Variants in CSMD1 observed in about 807,000 individuals in gnomAD.
The protein encoded by CSMD1 is CUB and Sushi multiple domains 1.
Under a neutral mutation model 417.5 loss-of-function variants are expected in CSMD1, and 213 were observed. That is an observed-to-expected ratio of 0.51 (90% CI 0.46 to 0.57). CSMD1 has a LOEUF of 0.57. Ranked by LOEUF, CSMD1 falls within the 20% of genes least tolerant of loss-of-function variation. The pLI is 0.00. For synonymous variants in CSMD1, 2,862 were observed against 1,736.8 expected, an observed-to-expected ratio of 1.65 and a Z score of -16.11; for missense variants, 6,923 against 4,529.7, an observed-to-expected ratio of 1.53 and a Z score of -15.17.
At chr8:3,908,321 T>G (rs1808243346) in intron 5 of CSMD1, among the ~76,000 whole-genome samples, 1 of 152,184 alleles carries the variant, frequency 6.6e-6, no homozygotes, top group African/African-American at 2.4e-5. Flanking sequence ...ATGTGAAGAT[T>G]TCAACAAAAT....
intron 1 of CSMD1, among the ~76,000 whole-genome samples, chr8:4,964,948 C>T (rs887944599): frequency 1.3e-5 from 2 of 152,150 alleles, no homozygotes; most frequent in Admixed American, 6.6e-5. Context: ...CCTTTCTTTG[C>T]ATATGTACTT....
intron 2 of CSMD1, among the ~76,000 whole-genome samples, chr8:4,496,087 A>G (rs1449545944): frequency 6.6e-6 from 1 of 152,168 alleles, no homozygotes; most frequent in Non-Finnish European, 1.5e-5. Context: ...TGCCAATCAA[A>G]TTTTGGCATA....
chr8:4,088,280 T>A (rs1800526561), intron 3 of CSMD1, among the ~76,000 whole-genome samples: 2 of 152,236 alleles, frequency 1.3e-5, no homozygotes, highest in Non-Finnish European at 2.9e-5. Context: ...ACTTCTCAAT[T>A]GCATGGCCAT....
chr8:3,148,091 G>C (rs1310967675), intron 40 of CSMD1, among the ~76,000 whole-genome samples: 4 of 152,162 alleles, frequency 2.6e-5, no homozygotes, highest in Admixed American at 2.0e-4. Flanking sequence ...ACCCTTTTCT[G>C]AGTTGTAACC....
At chr8:3,579,255 ATGCCATTT>A (rs1343421368) in intron 9 of CSMD1, among the ~76,000 whole-genome samples, 68 of 152,350 alleles carry the variant, frequency 4.5e-4, no homozygotes, top group Middle Eastern at 3.4e-3. Context: ...ATGCCAATGC[ATGCCATTT>A]TGACATTTAT....
intron 7 of CSMD1, among the ~76,000 whole-genome samples, chr8:3,622,597 G>C (rs1187780051): frequency 6.6e-6 from 1 of 152,190 alleles, no homozygotes; most frequent in African/African-American, 2.4e-5. Context: ...TTCTGTGAAG[G>C]CGCAAAATGA....
intron 7 of CSMD1, among the ~76,000 whole-genome samples, chr8:3,691,032 T>C (rs1000338861): frequency 6.6e-6 from 1 of 152,166 alleles, no homozygotes; most frequent in East Asian, 1.9e-4. Flanking sequence ...TACTAAAGTA[T>C]CTTTTTCTCT....
At chr8:4,445,102 C>CA (rs994335211) in intron 2 of CSMD1, among the ~76,000 whole-genome samples, 2 of 152,136 alleles carry the variant, frequency 1.3e-5, no homozygotes, top group South Asian at 2.1e-4. Flanking sequence ...CTCTGAACAA[C>CA]AAAAAAAGTA....
chr8:4,057,240 T>C (rs1030044926), intron 3 of CSMD1, among the ~76,000 whole-genome samples: 34 of 152,308 alleles, frequency 2.2e-4, no homozygotes, highest in African/African-American at 7.7e-4. Flanking sequence ...TGGTGTGAGA[T>C]GGTATCTCAT....
intron 1 of CSMD1, among the ~76,000 whole-genome samples, chr8:4,738,795 T>C (rs951778528): frequency 6.6e-6 from 1 of 152,120 alleles, no homozygotes; most frequent in African/African-American, 2.4e-5. Flanking sequence ...ACAAATAAGA[T>C]GGATGCCCCT....
chr8:3,118,056 T>A (rs7841865), intron 42 of CSMD1, among the ~76,000 whole-genome samples: 1 of 152,130 alleles, frequency 6.6e-6, no homozygotes, highest in Non-Finnish European at 1.5e-5. Flanking sequence ...CAATCTGATA[T>A]AACCACTGTA....
At chr8:3,179,386 G>C (rs1443012951) in intron 37 of CSMD1, among the ~76,000 whole-genome samples, 2 of 152,022 alleles carry the variant, frequency 1.3e-5, no homozygotes, top group East Asian at 3.9e-4. Flanking sequence ...ACAAAAATGT[G>C]GCATTATGTT....
rs1220718349 is a variant in CSMD1 at position 2,998,183 on chromosome 8, G to C, written c.8205C>G (p.Pro2735=). Residue 2735 remains proline (P), a splice_region_variant and synonymous_variant, in exon 54 of 70, where the codon CCC becomes CCG. Coordinates refer to ENST00000635120, the MANE Select transcript of CSMD1 (RefSeq NM_033225.6). ...GGTTTCCAGGGTGACCACATGTGAT[G>C]GCTGTAGAGAGACAGGTCAACGTCA... The part of the protein sequence containing the change: ...KWSGQTPVCV[P]ITCGHPGNPA... 1 of 1,613,614 alleles carries C rather than the reference G, an allele frequency of 6.2e-7. No homozygotes were observed. Among genetic ancestry groups the C allele is most frequent in the Non-Finnish European group, 8.5e-7 (1 of 1,179,700 alleles).
At chr8:3,730,068 G>A (rs1310913838) in intron 6 of CSMD1, among the ~76,000 whole-genome samples, 2 of 151,636 alleles carry the variant, frequency 1.3e-5, no homozygotes, top group Non-Finnish European at 2.9e-5. Context: ...CCTTAAGGCT[G>A]TGATTCTGCT....
intron 54 of CSMD1, among the ~76,000 whole-genome samples, chr8:2,986,697 G>A (rs1051763570): frequency 6.6e-6 from 1 of 151,964 alleles, no homozygotes; most frequent in Non-Finnish European, 1.5e-5. Flanking sequence ...GTAGAGACGG[G>A]TTTTCACTCT....
chr8:3,666,936 A>C (rs1362669669), intron 7 of CSMD1, among the ~76,000 whole-genome samples: 1 of 152,212 alleles, frequency 6.6e-6, no homozygotes, highest in Non-Finnish European at 1.5e-5. Context: ...ACCAGGTGTA[A>C]GAGATAGAGA....
chr8:3,253,680 C>G (rs1800436756), intron 26 of CSMD1, among the ~76,000 whole-genome samples: 1 of 152,058 alleles, frequency 6.6e-6, no homozygotes, highest in African/African-American at 2.4e-5. Flanking sequence ...CTTTGTAGGT[C>G]TCTAAGGACT....
At chr8:3,977,750 T>A (rs1022183459) in intron 5 of CSMD1, among the ~76,000 whole-genome samples, 1 of 152,238 alleles carries the variant, frequency 6.6e-6, no homozygotes, top group African/African-American at 2.4e-5. Context: ...TTCACAATTT[T>A]GTGAATCTGC....
intron 12 of CSMD1, among the ~76,000 whole-genome samples, chr8:3,437,754 C>CTTTTTTTTTT (rs34146233): frequency 6.7e-6 from 1 of 148,638 alleles, no homozygotes. Flanking sequence ...GATATCTTTT[C>CTTTTTTTTTT]TTTTTTTTTT....
Sources: gnomAD v4.1 joint callset for allele counts (sites outside exome capture counted in the v4.1 genomes callset) on GRCh38, gnomAD v4.1.1 for gene constraint, MANE v1.5 for transcripts, NCBI Gene and HGNC (gene_info 2026-07-23, HGNC 2026-07-21) for gene names.